BANP: variants seen among roughly 807,000 people sequenced by gnomAD.
BANP encodes protein BANP.
Under a neutral mutation model 68.1 loss-of-function variants are expected in BANP, and 11 were observed. That is an observed-to-expected ratio of 0.16 (90% CI 0.10 to 0.27). The LOEUF (loss-of-function observed/expected upper bound fraction) is 0.27. Among genes scored for constraint, BANP ranks in the 10% least tolerant of loss-of-function variants. The pLI is 1.00. For missense variants in BANP, 504 were observed against 722.7 expected (o/e 0.70, Z 3.47); for synonymous variants, 329 against 303.2 (o/e 1.09, Z -0.88).
chr16:88,027,607 C>T lies in BANP; in HGVS notation c.1020C>T (p.Ser340=), dbSNP rs760054153. The T allele has an allele frequency of 6.2e-7, 1 of 1,613,764 alleles. No individual in the cohort carries two copies. Among genetic ancestry groups the T allele is most frequent in the Non-Finnish European group, 8.5e-7 (1 of 1,179,908 alleles). The change falls in exon 8 of 14, where the codon AGC becomes AGT. Residue 340 remains serine, a synonymous_variant. Coordinates refer to ENST00000682872, the MANE Select transcript of BANP (RefSeq NM_001386991.1). ...GGGGCCAGAGCCTGGCGGTCAAGAGCTTCTCGCGGAGAACGCCCAACTCGT... is the reference window on the plus strand; with the variant it reads ...GGGGCCAGAGCCTGGCGGTCAAGAGTTTCTCGCGGAGAACGCCCAACTCGT... ...KQRGQSLAVK[S]FSRRTPNSSS...
intron 7 of BANP, among the ~76,000 whole-genome samples, chr16:88,023,465 G>GGCTTCGAGAC (rs11283214): frequency 0.45 from 55,213 of 123,238 alleles, 10,594 homozygotes; most frequent in South Asian, 0.64. Flanking sequence ...ATCGGGCAGA[G>GGCTTCGAGAC]GCCTTTTGTT....
intron 1 of BANP, among the ~76,000 whole-genome samples, chr16:87,956,129 G>A (rs11643960): frequency 0.65 from 98,756 of 152,020 alleles, 32,587 homozygotes; most frequent in African/African-American, 0.72. Context: ...CTCGTCTGCA[G>A]TGATACTGTA....
intron 2 of BANP, chr16:87,978,813 A>G: frequency 2.8e-6 from 1 of 353,950 alleles, no homozygotes; most frequent in South Asian, 2.1e-5. Context: ...CCTCCCAGGC[A>G]CAGCTGAGAC....
intron 4 of BANP, among the ~76,000 whole-genome samples, chr16:88,001,364 G>A (rs2152545456): frequency 6.6e-6 from 1 of 151,922 alleles, no homozygotes; most frequent in East Asian, 1.9e-4. Context: ...GCACGTGCGT[G>A]GCTGGACTTA....
chr16:87,984,302 G>T (rs2063853468), intron 4 of BANP, 43 bp downstream of exon 4: 2 of 1,488,954 alleles, frequency 1.3e-6, no homozygotes, highest in Non-Finnish European at 1.8e-6. Flanking sequence ...GTCACTTGGG[G>T]AGAAGCGCGT....
chr16:87,954,241 T>G (rs2057584422), intron 1 of BANP, among the ~76,000 whole-genome samples: 1 of 152,240 alleles, frequency 6.6e-6, no homozygotes, highest in African/African-American at 2.4e-5. Context: ...CAATCAAATT[T>G]TTAATGTCCA....
chr16:87,993,408 C>T (rs1403722458), intron 4 of BANP, among the ~76,000 whole-genome samples: 16 of 152,288 alleles, frequency 1.1e-4, no homozygotes, highest in Admixed American at 7.8e-4. Flanking sequence ...CCTATTCACT[C>T]ATCCGTTTCC....
chr16:87,953,482 G>C (rs140825865), intron 1 of BANP, among the ~76,000 whole-genome samples: 1 of 152,312 alleles, frequency 6.6e-6, no homozygotes, highest in East Asian at 1.9e-4. Context: ...TAATACAGGT[G>C]TGAGTGACTG....
intron 8 of BANP, among the ~76,000 whole-genome samples, chr16:88,028,742 G>A (rs973678453): frequency 6.6e-6 from 1 of 152,180 alleles, no homozygotes; most frequent in Non-Finnish European, 1.5e-5. Flanking sequence ...TGCGGCTGTA[G>A]GAATATTGCG....
chr16:88,076,967 C>CT lies in BANP; in HGVS notation c.*313dup, dbSNP rs1287408536. The CT allele has an allele frequency of 1.8e-5, 6 of 335,374 alleles. No homozygotes were observed. The highest frequency in any genetic ancestry group is 6.4e-5 in the African/African-American group (3 of 46,888). 20.8% of individuals were successfully genotyped at this position (335,374 alleles called of 1,614,324 possible). ...CTATGATATTTTTCTGTTTAAACAG[C>CT]TTTTTTTAATTTGCTATGGTGTTTA... On this transcript the variant is annotated 3_prime_UTR_variant, in exon 14 of 14. Coordinates refer to ENST00000682872, the MANE Select transcript of BANP (RefSeq NM_001386991.1).
intron 11 of BANP, among the ~76,000 whole-genome samples, chr16:88,042,208 G>A (rs1423948307): frequency 1.3e-5 from 2 of 152,258 alleles, no homozygotes; most frequent in Admixed American, 1.3e-4. Context: ...AGCGGATGGT[G>A]CATCCCAAAT....
intron 1 of BANP, among the ~76,000 whole-genome samples, chr16:87,954,808 T>C (rs993236862): frequency 6.6e-6 from 1 of 152,206 alleles, no homozygotes; most frequent in African/African-American, 2.4e-5. Context: ...TTAAAGATGA[T>C]GTTAATGGAG....
intron 7 of BANP, among the ~76,000 whole-genome samples, chr16:88,021,732 G>C (rs536487719): frequency 5.3e-5 from 8 of 152,328 alleles, no homozygotes; most frequent in African/African-American, 1.9e-4. Context: ...GAGTGGAATT[G>C]GCCGCATTGC....
intron 13 of BANP, 110 bp downstream of exon 13, chr16:88,072,322 G>C (rs781727956): frequency 7.7e-7 from 1 of 1,303,160 alleles, no homozygotes; most frequent in African/African-American, 1.5e-5. Flanking sequence ...CTGTGCAGAG[G>C]GCACGTGATT....
chr16:87,954,907 T>G (rs2057741354), intron 1 of BANP, among the ~76,000 whole-genome samples: 1 of 152,252 alleles, frequency 6.6e-6, no homozygotes. Context: ...TGCTTCCTTG[T>G]GGCCTTGGTA....
intron 4 of BANP, among the ~76,000 whole-genome samples, chr16:87,997,688 A>C (rs186681277): frequency 1.3e-5 from 2 of 152,160 alleles, no homozygotes; most frequent in African/African-American, 4.8e-5. Context: ...TGTTCGTGGT[A>C]AAGTGGGTGA....
rs1487294176 is a variant in BANP, at chr16:88,018,429, G to A, written c.657G>A (p.Glu219=). 2.5e-6 allele frequency: 4 copies of A among 1,610,914 alleles called. No homozygotes were observed. Among genetic ancestry groups the A allele is most frequent in the Non-Finnish European group, 3.4e-6 (4 of 1,178,822 alleles). ...GAGGACCTGTCTTCTGTTTTTCAGA[G>A]GACTACCCCAATGGCACCTGGCTGG... ...NVTLITLNSE[E]DYPNGTWLGD... The change falls in exon 7 of 14, where the codon GAG becomes GAA. Residue 219 remains glutamate (E), a splice_region_variant and synonymous_variant. Transcript: ENST00000682872. The surrounding 1 kb of genome is among the most constrained non-coding windows in gnomAD (Gnocchi z 7.7).
chr16:87,976,920 T>C (rs2062258705), intron 2 of BANP, among the ~76,000 whole-genome samples: 1 of 152,232 alleles, frequency 6.6e-6, no homozygotes, highest in Non-Finnish European at 1.5e-5. Context: ...ACTGTAATCT[T>C]GTAAAATGAA....
chr16:87,961,602 C>T (rs569163616), intron 1 of BANP, among the ~76,000 whole-genome samples: 1 of 152,054 alleles, frequency 6.6e-6, no homozygotes, highest in East Asian at 1.9e-4. Flanking sequence ...CAATATTATC[C>T]CTCTTCTCAT....
Sources: allele counts gnomAD v4.1 joint callset (sites outside exome capture counted in the v4.1 genomes callset), GRCh38; gene constraint gnomAD v4.1.1; non-coding constraint Gnocchi (gnomAD v3.1); transcripts MANE v1.5; gene names NCBI Gene and HGNC (gene_info 2026-07-23, HGNC 2026-07-21).